The following CHRM2 variants were observed in gnomAD, a reference collection of about 807,000 sequenced individuals.
The protein encoded by CHRM2 is cholinergic receptor muscarinic 2.
Under a neutral mutation model 25.0 loss-of-function variants are expected in CHRM2, and 8 were observed. That is an observed-to-expected ratio of 0.32 (90% CI 0.19 to 0.58). CHRM2 has a LOEUF of 0.58. Ranked by LOEUF, CHRM2 falls within the 20% of genes least tolerant of loss-of-function variation. The pLI is 0.88. For missense variants in CHRM2, 440 were observed against 567.1 expected, an observed-to-expected ratio of 0.78 and a Z score of 2.28; for synonymous variants, 202 against 205.7, an observed-to-expected ratio of 0.98 and a Z score of 0.15.
chr7:136,961,567 A>AT (rs1053954021), intron 2 of CHRM2, among the ~76,000 whole-genome samples: 4 of 152,032 alleles, frequency 2.6e-5, no homozygotes, highest in African/African-American at 9.7e-5. Context: ...AAAATTTCTA[A>AT]TTTTTTTTCA....
chr7:137,001,666 G>A (rs1355895335), intron 3 of CHRM2, among the ~76,000 whole-genome samples: 1 of 152,016 alleles, frequency 6.6e-6, no homozygotes, highest in Non-Finnish European at 1.5e-5. Flanking sequence ...GGTTGTGGGG[G>A]GCTATCTCAT....
chr7:136,983,206 GT>G (rs1234452160), intron 2 of CHRM2, among the ~76,000 whole-genome samples: 1 of 151,928 alleles, frequency 6.6e-6, no homozygotes, highest in Admixed American at 6.6e-5. Context: ...TTCAATCTCT[GT>G]TATTCTTTCT....
At chr7:136,887,575 A>C (rs960577291) in intron 2 of CHRM2, among the ~76,000 whole-genome samples, 3 of 152,194 alleles carry the variant, frequency 2.0e-5, no homozygotes, top group Non-Finnish European at 4.4e-5. Flanking sequence ...TTAATTCTCC[A>C]GAGAAGTGAG....
chr7:137,000,260 G>A (rs1323950944), intron 3 of CHRM2, among the ~76,000 whole-genome samples: 7 of 131,128 alleles, frequency 5.3e-5, no homozygotes, highest in Admixed American at 8.4e-5. Flanking sequence ...GTGCAGTGGC[G>A]CAATCTCGGC....
intron 2 of CHRM2, among the ~76,000 whole-genome samples, chr7:136,974,312 G>A (rs1308235082): frequency 6.6e-6 from 1 of 152,130 alleles, no homozygotes; most frequent in Non-Finnish European, 1.5e-5. Flanking sequence ...TGGATGCTGT[G>A]CTAAGCAGAG....
chr7:136,903,414 C>T (rs1797348165), intron 2 of CHRM2: 2 of 304,194 alleles, frequency 6.6e-6, no homozygotes, highest in Middle Eastern at 9.5e-4. Context: ...CCTCAGCATC[C>T]AAGTATTTGT....
intron 2 of CHRM2, among the ~76,000 whole-genome samples, chr7:136,963,309 T>C (rs1190794541): frequency 6.6e-6 from 1 of 152,044 alleles, no homozygotes; most frequent in Non-Finnish European, 1.5e-5. Context: ...AAAGCGTTTA[T>C]CTCGTAAGCA....
intron 2 of CHRM2, among the ~76,000 whole-genome samples, chr7:136,885,506 AT>A: frequency 6.6e-6 from 1 of 152,344 alleles, no homozygotes; most frequent in South Asian, 2.1e-4. Context: ...CCCCTGCAGT[AT>A]TCAGTCAGTT....
At chr7:137,007,708 G>A (rs946198671) in intron 3 of CHRM2, among the ~76,000 whole-genome samples, 35 of 152,188 alleles carry the variant, frequency 2.3e-4, no homozygotes, top group Middle Eastern at 3.4e-3. Flanking sequence ...GCCAGGACTC[G>A]CTTCCATCTG....
chr7:137,008,431 T>C (rs1405759577), intron 3 of CHRM2, among the ~76,000 whole-genome samples: 2 of 152,120 alleles, frequency 1.3e-5, no homozygotes, highest in African/African-American at 4.8e-5. Context: ...TTCTATGGTG[T>C]TTAGCCCTCA....
Position 137,012,941 on chromosome 7 carries a change from C to T in CHRM2, c.-46-1879C>T, listed in dbSNP as rs535636425. Among the ~76,000 whole-genome samples the T allele has an allele frequency of 1.8e-4, 27 of 152,076 alleles. No homozygotes were observed. In the South Asian group the frequency reaches 3.7e-3, roughly 21 times the overall value. ...GTATTCAACACTACCATTAATACTACGGATGGAAAATTGTTTTTCACTGTC... is the reference window on the plus strand; with the variant it reads ...GTATTCAACACTACCATTAATACTATGGATGGAAAATTGTTTTTCACTGTC... On this transcript the variant is annotated intron_variant, in intron 3 of 3. Coordinates refer to ENST00000680005, the MANE Select transcript of CHRM2 (RefSeq NM_001006630.2).
At chr7:137,011,915 T>C (rs2131116199) in intron 3 of CHRM2, among the ~76,000 whole-genome samples, 1 of 152,114 alleles carries the variant, frequency 6.6e-6, no homozygotes, top group East Asian at 1.9e-4. Flanking sequence ...TTTTAATCTT[T>C]CAGGATTGTA....
chr7:136,912,485 T>C (rs1797894459), intron 2 of CHRM2, among the ~76,000 whole-genome samples: 1 of 151,900 alleles, frequency 6.6e-6, no homozygotes, highest in Non-Finnish European at 1.5e-5. Flanking sequence ...CTGTGCCCTC[T>C]TCCTGTCCTT....
chr7:136,881,265 C>CT (rs1796256150), intron 2 of CHRM2, among the ~76,000 whole-genome samples: 1 of 151,230 alleles, frequency 6.6e-6, no homozygotes, highest in Non-Finnish European at 1.5e-5. Context: ...TTAGTAACAA[C>CT]TTTTTTCACC....
intron 2 of CHRM2, among the ~76,000 whole-genome samples, chr7:136,961,064 G>A (rs1340491708): frequency 6.6e-6 from 1 of 152,042 alleles, no homozygotes; most frequent in Non-Finnish European, 1.5e-5. Flanking sequence ...GGTGGAGATT[G>A]CAGCGAGCCA....
Position 137,017,385 on chromosome 7 carries a change from G to A in CHRM2, c.*1119G>A, listed in dbSNP as rs1805243463. 1 of 151,882 alleles carries A rather than the reference G, an allele frequency of 6.6e-6. No individual in the cohort carries two copies. The highest frequency in any genetic ancestry group is 1.5e-5 in the Non-Finnish European group (1 of 67,912). 9.4% of individuals were successfully genotyped at this position (151,882 alleles called of 1,614,324 possible). A position where few individuals can be genotyped will look rare whatever the true frequency, so the allele number is the denominator to read the frequency against. On this transcript the variant is annotated 3_prime_UTR_variant, in exon 4 of 4. Transcript: ENST00000680005. ...CCTGACTTTCTCAGCAGAAAGGAATGCTGTTTTATTTATTTGGAATCCTAA... is the reference window on the plus strand; with the variant it reads ...CCTGACTTTCTCAGCAGAAAGGAATACTGTTTTATTTATTTGGAATCCTAA...
chr7:136,923,600 A>C (rs553276404), intron 2 of CHRM2, among the ~76,000 whole-genome samples: 1 of 152,364 alleles, frequency 6.6e-6, no homozygotes, highest in Non-Finnish European at 1.5e-5. Context: ...CCAAAGCTAC[A>C]GAATAGAATC....
intron 2 of CHRM2, among the ~76,000 whole-genome samples, chr7:136,887,890 G>A (rs557063279): frequency 7.9e-5 from 12 of 152,122 alleles, no homozygotes; most frequent in African/African-American, 2.9e-4. Flanking sequence ...AAGAGAAAAA[G>A]TTCTCTCTCC....
chr7:136,979,709 T>C (rs1266208575), intron 2 of CHRM2, among the ~76,000 whole-genome samples: 1 of 152,190 alleles, frequency 6.6e-6, no homozygotes, highest in Non-Finnish European at 1.5e-5. Context: ...GGGAATCCTT[T>C]CCCCATTGCT....
Sources: allele counts gnomAD v4.1 joint callset (sites outside exome capture counted in the v4.1 genomes callset), GRCh38; gene constraint gnomAD v4.1.1; transcripts MANE v1.5; gene names NCBI Gene and HGNC (gene_info 2026-07-23, HGNC 2026-07-21).